Variants in RORA observed in about 807,000 individuals in gnomAD.
RORA encodes the protein RAR related orphan receptor A, also known as nuclear receptor ROR-alpha.
Under a neutral mutation model 69.5 loss-of-function variants are expected in RORA, and 7 were observed. The observed-to-expected ratio is 0.10, with a 90% CI of 0.06 to 0.19. The LOEUF is 0.19. Among genes scored for constraint, RORA ranks in the 10% least tolerant of loss-of-function variants. RORA has a pLI of 1.00. For synonymous variants in RORA, 261 were observed against 240.8 expected, an observed-to-expected ratio of 1.08 and a Z score of -0.78; for missense variants, 457 against 663.0, an observed-to-expected ratio of 0.69 and a Z score of 3.41.
chr15:60,854,350 T>A (rs1354072653), intron 1 of RORA, among the ~76,000 whole-genome samples: 1 of 152,126 alleles, frequency 6.6e-6, no homozygotes, highest in Non-Finnish European at 1.5e-5. Flanking sequence ...ACTTGAATCA[T>A]TATTATTATT....
chr15:61,039,840 C>T (rs1044332573), intron 1 of RORA, among the ~76,000 whole-genome samples: 1 of 151,312 alleles, frequency 6.6e-6, no homozygotes, highest in Non-Finnish European at 1.5e-5. Context: ...TGCAAATCCC[C>T]AGATCCCACC....
chr15:60,797,016 A>G (rs546226610), intron 1 of RORA, among the ~76,000 whole-genome samples: 3 of 148,136 alleles, frequency 2.0e-5, no homozygotes, highest in East Asian at 3.9e-4. Context: ...AATATATTTT[A>G]TTTATATATT....
intron 1 of RORA, among the ~76,000 whole-genome samples, chr15:60,790,192 C>T (rs79830772): frequency 2.0e-5 from 3 of 152,234 alleles, no homozygotes; most frequent in Non-Finnish European, 2.9e-5. Context: ...ATCTAAATCA[C>T]CTGACTCACT....
In RORA at chr15:60,494,694, T is replaced by G. The variant is rs2065124199; in HGVS notation, c.*2761A>C. The stretch of plus-strand genomic sequence containing the variant: ...CTGTCTACAATTCCATCCTATTATG[T>G]CAATCAGTGGACTTGGCTCTTAAGC... On this transcript the variant is annotated 3_prime_UTR_variant, in exon 11 of 11. Transcript: ENST00000335670. 1 of 152,204 alleles carries G rather than the reference T, an allele frequency of 6.6e-6. No homozygotes were observed. The highest frequency in any genetic ancestry group is 1.5e-5 in the Non-Finnish European group (1 of 68,018). 9.4% of individuals were successfully genotyped at this position (152,204 alleles called of 1,614,324 possible). A position where few individuals can be genotyped will look rare whatever the true frequency, so the allele number is the denominator to read the frequency against.
chr15:60,516,476 T>G (rs1319760361), intron 3 of RORA, among the ~76,000 whole-genome samples: 1 of 150,678 alleles, frequency 6.6e-6, no homozygotes, highest in Non-Finnish European at 1.5e-5. Context: ...GTAGAGTCAT[T>G]TCCATGAAGC....
chr15:61,023,825 G>A (rs577345179), intron 1 of RORA, among the ~76,000 whole-genome samples: 56 of 152,208 alleles, frequency 3.7e-4, no homozygotes, highest in African/African-American at 1.3e-3. Context: ...TTTCACATGG[G>A]ATGAGAGACC....
intron 1 of RORA, among the ~76,000 whole-genome samples, chr15:60,865,138 G>A (rs2073473816): frequency 6.6e-6 from 1 of 152,220 alleles, no homozygotes; most frequent in Non-Finnish European, 1.5e-5. Context: ...TAGGGATGAG[G>A]TAGAAAGAGA....
intron 2 of RORA, among the ~76,000 whole-genome samples, chr15:60,629,906 A>G (rs2069695513): frequency 6.6e-6 from 1 of 152,262 alleles, no homozygotes; most frequent in Non-Finnish European, 1.5e-5. Flanking sequence ...GAATGAAAGT[A>G]ACACAAAAGC....
intron 1 of RORA, among the ~76,000 whole-genome samples, chr15:61,064,535 C>T (rs2078231223): frequency 6.6e-6 from 1 of 152,134 alleles, no homozygotes; most frequent in African/African-American, 2.4e-5. Flanking sequence ...GTTAAAAATG[C>T]TGACCCTCCT....
At chr15:60,888,952 C>T (rs1354035012) in intron 1 of RORA, among the ~76,000 whole-genome samples, 2 of 152,128 alleles carry the variant, frequency 1.3e-5, no homozygotes, top group South Asian at 2.1e-4. Flanking sequence ...GAGCCTTCAC[C>T]ACAGAAAAAC....
intron 1 of RORA, among the ~76,000 whole-genome samples, chr15:60,804,287 C>CAAAAAAAAAAAAAAAAAAAAAAAAAA (rs5813037): frequency 1.7e-5 from 1 of 58,168 alleles, no homozygotes. Context: ...AACTCCATCT[C>CAAAAAAAAAAAAAAAAAAAAAAAAAA]AAAAAAAAAA....
chr15:60,838,276 C>T (rs913701365), intron 1 of RORA, among the ~76,000 whole-genome samples: 2 of 152,166 alleles, frequency 1.3e-5, no homozygotes, highest in Non-Finnish European at 2.9e-5. Context: ...AATTTGTTGA[C>T]CCAGACATGG....
At chr15:60,691,841 A>G (rs554881325) in intron 1 of RORA, among the ~76,000 whole-genome samples, 7 of 152,320 alleles carry the variant, frequency 4.6e-5, no homozygotes, top group African/African-American at 1.7e-4. Flanking sequence ...CAGATCCCCA[A>G]CCCAGAAGCT....
At chr15:61,179,429 T>G (rs2079661838) in intron 1 of RORA, among the ~76,000 whole-genome samples, 1 of 152,214 alleles carries the variant, frequency 6.6e-6, no homozygotes, top group Admixed American at 6.5e-5. Flanking sequence ...CTGGTTTTTG[T>G]TTTGGAAGAT....
intron 1 of RORA, among the ~76,000 whole-genome samples, chr15:60,802,109 G>A (rs190001077): frequency 6.6e-6 from 1 of 152,274 alleles, no homozygotes; most frequent in Admixed American, 6.5e-5. Context: ...GGTAAAAACA[G>A]GCACCACTGT....
chr15:61,019,437 C>A (rs1380542183), intron 1 of RORA, among the ~76,000 whole-genome samples: 2 of 152,150 alleles, frequency 1.3e-5, no homozygotes, highest in African/African-American at 4.8e-5. Context: ...CAAGTATATA[C>A]CAAACATTAT....
At chr15:60,598,265 G>A (rs930150522) in intron 2 of RORA, among the ~76,000 whole-genome samples, 6 of 152,118 alleles carry the variant, frequency 3.9e-5, no homozygotes, top group East Asian at 1.9e-4. Context: ...ATGTTTCTCC[G>A]CATGCACTTT....
chr15:61,135,238 T>C (rs2079225993), intron 1 of RORA, among the ~76,000 whole-genome samples: 1 of 150,058 alleles, frequency 6.7e-6, no homozygotes. Context: ...GGCTGAGGCA[T>C]GAGAAACACT....
chr15:60,775,225 G>C (rs1196264613), intron 1 of RORA, among the ~76,000 whole-genome samples: 1 of 152,068 alleles, frequency 6.6e-6, no homozygotes, highest in East Asian at 1.9e-4. Flanking sequence ...GGTCCAAGCT[G>C]CAAAAGATTA....
Sources: gnomAD v4.1 joint callset for allele counts (sites outside exome capture counted in the v4.1 genomes callset) on GRCh38, gnomAD v4.1.1 for gene constraint, MANE v1.5 for transcripts, NCBI Gene and HGNC (gene_info 2026-07-23, HGNC 2026-07-21) for gene names.